Variants in FBN2 observed in about 807,000 individuals in gnomAD.
The protein encoded by FBN2 is fibrillin-2.
In FBN2, 105 loss-of-function variants were observed where a neutral mutation model predicts 355.6. That is an observed-to-expected ratio of 0.30 (90% confidence interval 0.25 to 0.35). The LOEUF is 0.35. FBN2 is among the 10% of genes least tolerant of loss of function. FBN2 has a pLI of 1.00. For missense variants in FBN2, 3,280 were observed against 3,758.7 expected (o/e 0.87, Z 3.33); for synonymous variants, 1,350 against 1,301.2 (o/e 1.04, Z -0.81).
intron 17 of FBN2, chr5:128,365,487 A>C (rs1197924457): frequency 2.0e-5 from 3 of 152,110 alleles, no homozygotes; most frequent in African/African-American, 7.2e-5. Flanking sequence ...GGAGACCTTA[A>C]ATATTTTGGA....
At chr5:128,457,483 C>T (rs1273424727) in intron 6 of FBN2, among the ~76,000 whole-genome samples, 2 of 152,116 alleles carry the variant, frequency 1.3e-5, no homozygotes, top group Non-Finnish European at 2.9e-5. Context: ...AGAAGATCAA[C>T]CCCAAGACAC....
intron 9 of FBN2, among the ~76,000 whole-genome samples, chr5:128,394,665 A>C (rs563613153): frequency 4.6e-5 from 7 of 152,246 alleles, no homozygotes; most frequent in Non-Finnish European, 1.0e-4. Flanking sequence ...TTACTAAATT[A>C]GATATTATCA....
chr5:128,453,549 G>A lies in FBN2; in HGVS notation c.827-6943C>T, dbSNP rs560575640. Among the ~76,000 whole-genome samples the A allele has an allele frequency of 2.0e-5, 3 of 152,252 alleles. No individual in the cohort carries two copies. In the East Asian group the frequency reaches 5.8e-4, roughly 29 times the overall value. On this transcript the variant is annotated intron_variant, in intron 6 of 64. Transcript: ENST00000262464. Reference sequence around the variant, plus strand: ...GTTGTTTTTAATTTCCTTGAGATAAGAGAGAAGTATATAAACTTTGCATTT... The same window carrying A: ...GTTGTTTTTAATTTCCTTGAGATAAAAGAGAAGTATATAAACTTTGCATTT...
intron 14 of FBN2, among the ~76,000 whole-genome samples, chr5:128,375,584 A>T (rs1752058591): frequency 6.6e-6 from 1 of 152,174 alleles, no homozygotes; most frequent in Non-Finnish European, 1.5e-5. Context: ...ATTCAGTCTC[A>T]ATTTTTTAAC....
chr5:128,444,985 G>GA (rs1299220725), intron 7 of FBN2, among the ~76,000 whole-genome samples: 1 of 151,874 alleles, frequency 6.6e-6, no homozygotes, highest in Non-Finnish European at 1.5e-5. Context: ...AAAGCCAGGA[G>GA]AAAAAATACA....
intron 5 of FBN2, among the ~76,000 whole-genome samples, chr5:128,486,965 C>G (rs1185503117): frequency 6.6e-6 from 1 of 152,172 alleles, no homozygotes; most frequent in Non-Finnish European, 1.5e-5. Context: ...CTTAGAATGG[C>G]TAGTTTCTTC....
chr5:128,402,252 G>T (rs936399402), intron 8 of FBN2, among the ~76,000 whole-genome samples: 8 of 151,918 alleles, frequency 5.3e-5, no homozygotes, highest in African/African-American at 1.9e-4. Context: ...ATCATTAGGG[G>T]CAAAGCCAGA....
intron 7 of FBN2, among the ~76,000 whole-genome samples, chr5:128,434,328 G>C (rs1231043760): frequency 1.4e-5 from 2 of 145,334 alleles, no homozygotes; most frequent in East Asian, 4.0e-4. Flanking sequence ...TAAAAGAAAT[G>C]GCAGCCCATA....
At chr5:128,376,975 G>GT (rs1246941755) in intron 13 of FBN2, 122 bp from the exon 14 acceptor site, 166 of 1,248,260 alleles carry the variant, frequency 1.3e-4, no homozygotes, top group Non-Finnish European at 1.5e-4. Flanking sequence ...ATGGCTTTTA[G>GT]TTTTTTTTAA....
intron 62 of FBN2, among the ~76,000 whole-genome samples, chr5:128,270,800 T>A (rs1765250968): frequency 6.6e-6 from 1 of 152,224 alleles, no homozygotes; most frequent in Non-Finnish European, 1.5e-5. Context: ...ACACTTTGCC[T>A]TTGTTTATGA....
At chr5:128,311,520 A>G in intron 38 of FBN2, 95 bp from the exon 39 acceptor site, 1 of 1,329,146 alleles carries the variant, frequency 7.5e-7, no homozygotes, top group Non-Finnish European at 1.1e-6. Flanking sequence ...TGTAAGAATC[A>G]GATTTCTATG....
intron 2 of FBN2, among the ~76,000 whole-genome samples, chr5:128,533,823 A>C (rs1756772458): frequency 6.6e-6 from 1 of 152,190 alleles, no homozygotes; most frequent in Non-Finnish European, 1.5e-5. Flanking sequence ...AAATAAATTA[A>C]TAAGCAAATT....
At chr5:128,509,912 T>C (rs1020657497) in intron 5 of FBN2, among the ~76,000 whole-genome samples, 1 of 151,940 alleles carries the variant, frequency 6.6e-6, no homozygotes, top group Non-Finnish European at 1.5e-5. Flanking sequence ...TATGTGCAAC[T>C]CTGAGTATTG....
At chr5:128,273,416 C>T (rs928639388) in intron 61 of FBN2, among the ~76,000 whole-genome samples, 18 of 152,170 alleles carry the variant, frequency 1.2e-4, no homozygotes, top group African/African-American at 2.2e-4. Flanking sequence ...TTCACCTTAG[C>T]GTGTTCAGTA....
chr5:128,259,768 A>G lies in FBN2; in HGVS notation c.8426T>C (p.Leu2809Pro), dbSNP rs863223591. 14 of 1,613,296 alleles carry G rather than the reference A, an allele frequency of 8.7e-6. No individual in the cohort carries two copies. The highest frequency in any genetic ancestry group is 1.3e-5 in the African/African-American group (1 of 74,612). The change falls in exon 65 of 65, where the codon CTC becomes CCC. Residue 2809 changes from leucine to proline, a missense_variant. By Grantham distance (98) the Leu-to-Pro change is moderately conservative (BLOSUM62 -3). Transcript: ENST00000262464. ...MDSPVNMKFN[L>P]SHLGSKEHIL... is the part of the protein sequence containing the mutation. ...GTGCTCCTTAGAGCCGAGGTGGGAG[A>G]GGTTGAACTTCATGTTGACGGGGCT...
chr5:128,310,318 C>T (rs1288679118), intron 39 of FBN2, among the ~76,000 whole-genome samples: 3 of 141,852 alleles, frequency 2.1e-5, no homozygotes, highest in Non-Finnish European at 4.6e-5. Flanking sequence ...AAATATAAAG[C>T]ATCAAAAGAA....
At chr5:128,266,908 T>C (rs1341891990) in intron 62 of FBN2, among the ~76,000 whole-genome samples, 1 of 152,156 alleles carries the variant, frequency 6.6e-6, no homozygotes, top group African/African-American at 2.4e-5. Context: ...GTTTGTTACA[T>C]AGCCAAGTGT....
chr5:128,446,503 A>C lies in FBN2; in HGVS notation c.930T>G (p.Ser310Arg), dbSNP rs757878285. 2 of 1,613,810 alleles carry C rather than the reference A, an allele frequency of 1.2e-6. No homozygotes were observed. The highest frequency in any genetic ancestry group is 2.7e-5 in the African/African-American group (2 of 74,910). ...CACCTTCACATTTCTGAGTAGTTTC[A>C]CTCTGTTTGTGACCAGCAGGGCATC... ...ECRCPAGHKQ[S>R]ETTQKCEDID... Residue 310 changes from serine to arginine, a missense_variant, in exon 7 of 65, where the codon AGT becomes AGG. Ser to Arg is a moderately radical substitution (Grantham distance 110). Around this residue, in one of 6 missense-constraint regions of FBN2, gnomAD observed 343 missense variants for 331.0 expected, o/e 1.04. Transcript: ENST00000262464.
chr5:128,432,847 T>C (rs1024641898), intron 7 of FBN2, among the ~76,000 whole-genome samples: 6 of 152,064 alleles, frequency 3.9e-5, no homozygotes, highest in African/African-American at 1.2e-4. Context: ...TTAATTTACT[T>C]GTAGTTCTGT....
Sources: gnomAD v4.1 joint callset for allele counts (sites outside exome capture counted in the v4.1 genomes callset) on GRCh38, gnomAD v4.1.1 for gene constraint, gnomAD v4.1.1 regional missense constraint, MANE v1.5 for transcripts, NCBI Gene and HGNC (gene_info 2026-07-23, HGNC 2026-07-21) for gene names.